FMN1: variants seen among roughly 807,000 people sequenced by gnomAD.
FMN1 encodes formin 1.
In FMN1, 110 loss-of-function variants were observed where a neutral mutation model predicts 132.4. That is an observed-to-expected ratio of 0.83 (90% confidence interval 0.71 to 0.97). FMN1 has a LOEUF of 0.97. FMN1 is among the 50% of genes least tolerant of loss of function. The pLI, the probability that FMN1 is intolerant of heterozygous loss-of-function variation, is 0.00. For synonymous variants in FMN1, 722 were observed against 651.7 expected, an observed-to-expected ratio of 1.11 and a Z score of -1.64; for missense variants, 1,792 against 1,705.3, an observed-to-expected ratio of 1.05 and a Z score of -0.90.
chr15:33,009,630 T>G (rs1407032843), intron 6 of FMN1, among the ~76,000 whole-genome samples: 1 of 152,222 alleles, frequency 6.6e-6, no homozygotes, highest in East Asian at 1.9e-4. Context: ...CAGGCATTAT[T>G]CTAAGTCTTA....
At chr15:32,967,958 T>A (rs1457768276) in intron 8 of FMN1, among the ~76,000 whole-genome samples, 2 of 152,240 alleles carry the variant, frequency 1.3e-5, no homozygotes, top group East Asian at 3.8e-4. Context: ...ACTGTCCTCC[T>A]TCCAGGCTCA....
At chr15:32,784,259 G>C (rs948363927) in intron 19 of FMN1, among the ~76,000 whole-genome samples, 28 of 152,170 alleles carry the variant, frequency 1.8e-4, no homozygotes, top group African/African-American at 6.5e-4. Context: ...AGAAGAGGCA[G>C]AATTAGGGGA....
intron 4 of FMN1, among the ~76,000 whole-genome samples, chr15:33,124,193 G>A (rs1194922761): frequency 1.3e-5 from 2 of 152,150 alleles, no homozygotes; most frequent in Non-Finnish European, 2.9e-5. Flanking sequence ...GGTGAGACGT[G>A]GCTTTTCAAA....
chr15:33,011,326 A>G (rs185449304), intron 6 of FMN1, among the ~76,000 whole-genome samples: 151 of 152,260 alleles, frequency 9.9e-4, no homozygotes, highest in African/African-American at 3.2e-3. Flanking sequence ...GATCTTTTCA[A>G]TAACTATTGG....
chr15:33,125,997 A>G (rs990034426), intron 4 of FMN1, among the ~76,000 whole-genome samples: 1 of 141,920 alleles, frequency 7.0e-6, no homozygotes, highest in African/African-American at 3.1e-5. Context: ...AGTGGCTTCT[A>G]AATCTACACA....
At chr15:32,851,678 C>A (rs1257274275) in intron 17 of FMN1, among the ~76,000 whole-genome samples, 1 of 152,074 alleles carries the variant, frequency 6.6e-6, no homozygotes, top group Non-Finnish European at 1.5e-5. Context: ...AGAAAAAGTA[C>A]CACAGTTTTG....
At chr15:33,152,330 T>C (rs559205858) in intron 4 of FMN1, among the ~76,000 whole-genome samples, 2 of 152,304 alleles carry the variant, frequency 1.3e-5, no homozygotes, top group Non-Finnish European at 2.9e-5. Context: ...TAGCACCTTT[T>C]ACATAAGAAA....
intron 9 of FMN1, among the ~76,000 whole-genome samples, chr15:32,955,132 G>A (rs993658719): frequency 6.6e-6 from 1 of 152,166 alleles, no homozygotes; most frequent in Non-Finnish European, 1.5e-5. Flanking sequence ...CCGTCTCACT[G>A]GGTTTTTGAT....
Position 33,153,180 on chromosome 15 carries a change from C to A in FMN1, c.1735G>T (p.Val579Phe), listed in dbSNP as rs1457818541. ...GGGCTGGCTCCTTTGGTCTCCGTGA[C>A]CTTTGCAGAGGATGGTGGCTCCAAG... ...DTLEPPSSAK[V>F]TETKGASPAF... The change falls in exon 4 of 21, where the codon GTC (valine) becomes TTC (phenylalanine). Residue 579 changes from valine (V) to phenylalanine (F), a missense_variant. Around this residue, in one of 3 missense-constraint regions of FMN1, gnomAD observed 1,150 missense variants for 1,043.1 expected, o/e 1.10. Coordinates refer to ENST00000616417, the MANE Select transcript of FMN1 (RefSeq NM_001277313.2). 3.3e-6 allele frequency: 5 copies of A among 1,535,974 alleles called. No individual in the cohort carries two copies. The highest frequency in any genetic ancestry group is 4.4e-6 in the Non-Finnish European group (5 of 1,146,928).
intron 13 of FMN1, among the ~76,000 whole-genome samples, chr15:32,901,673 G>C (rs576777086): frequency 2.0e-5 from 3 of 152,160 alleles, no homozygotes; most frequent in Non-Finnish European, 2.9e-5. Context: ...TTTTTAGAAG[G>C]AATCTGTAAA....
intron 6 of FMN1, among the ~76,000 whole-genome samples, chr15:33,034,413 A>C (rs754550667): frequency 2.6e-5 from 4 of 151,990 alleles, no homozygotes; most frequent in Non-Finnish European, 2.9e-5. Flanking sequence ...ATTTCTACTA[A>C]AAGTAAAAAA....
intron 9 of FMN1, among the ~76,000 whole-genome samples, chr15:32,930,210 A>G (rs988565645): frequency 6.6e-6 from 1 of 151,892 alleles, no homozygotes; most frequent in South Asian, 2.1e-4. Flanking sequence ...AATGGTCTCT[A>G]TCTCCTGACC....
intron 4 of FMN1, among the ~76,000 whole-genome samples, chr15:33,114,701 C>G (rs189609637): frequency 4.4e-4 from 67 of 152,238 alleles, no homozygotes; most frequent in Admixed American, 6.5e-4. Flanking sequence ...GCTGTAATGT[C>G]TCCTAAACTA....
intron 9 of FMN1, among the ~76,000 whole-genome samples, chr15:32,943,419 C>A (rs527807875): frequency 1.3e-5 from 2 of 152,172 alleles, no homozygotes; most frequent in African/African-American, 2.4e-5. Context: ...CACCACCTGG[C>A]CAAACTATGG....
chr15:32,979,543 A>G (rs1307114149), intron 7 of FMN1, among the ~76,000 whole-genome samples: 5 of 144,582 alleles, frequency 3.5e-5, no homozygotes, highest in Non-Finnish European at 6.0e-5. Context: ...GCAACAGAGC[A>G]AGACTCTGTC....
chr15:33,090,245 T>C (rs567843692), intron 4 of FMN1, among the ~76,000 whole-genome samples: 10 of 152,274 alleles, frequency 6.6e-5, no homozygotes, highest in African/African-American at 1.9e-4. Context: ...AAGAGTCTAT[T>C]TGGCAGTCAC....
At chr15:32,852,118 C>T (rs1304693900) in intron 17 of FMN1, among the ~76,000 whole-genome samples, 1 of 152,182 alleles carries the variant, frequency 6.6e-6, no homozygotes, top group Non-Finnish European at 1.5e-5. Context: ...ACCTTTGTCT[C>T]ATCTAGCTCT....
chr15:32,966,742 A>C (rs1567477502), intron 8 of FMN1, among the ~76,000 whole-genome samples: 1 of 152,238 alleles, frequency 6.6e-6, no homozygotes, highest in African/African-American at 2.4e-5. Flanking sequence ...GAAGAGCAAG[A>C]CCAACATTTA....
chr15:33,057,915 G>A (rs1333926733), intron 6 of FMN1, among the ~76,000 whole-genome samples: 1 of 151,938 alleles, frequency 6.6e-6, no homozygotes, highest in East Asian at 1.9e-4. Context: ...TATTTGCTGA[G>A]CTAGTTGATG....
Sources: allele counts gnomAD v4.1 joint callset (sites outside exome capture counted in the v4.1 genomes callset), GRCh38; gene constraint gnomAD v4.1.1; regional missense constraint gnomAD v4.1.1; transcripts MANE v1.5; gene names NCBI Gene and HGNC (gene_info 2026-07-23, HGNC 2026-07-21).